NR2C2AP: variants seen among roughly 807,000 people sequenced by gnomAD.
NR2C2AP encodes the protein nuclear receptor 2C2 associated protein, also known as nuclear receptor 2C2-associated protein.
NR2C2AP carries 13 observed loss-of-function variants against 19.1 expected under a neutral mutation model. The observed-to-expected ratio is 0.68, with a 90% confidence interval of 0.44 to 1.08. The LOEUF (loss-of-function observed/expected upper bound fraction) is 1.08, where lower values mean the gene tolerates loss of function less well. Ranked by LOEUF, NR2C2AP falls within the 50% of genes least tolerant of loss-of-function variation. NR2C2AP has a pLI of 0.00. For missense variants in NR2C2AP, 181 were observed against 172.7 expected (o/e 1.05, Z -0.27); for synonymous variants, 81 against 64.4 (o/e 1.26, Z -1.23).
intron 2 of NR2C2AP, 88 bp downstream of exon 2, chr19:19,202,703 C>T (rs2060738640): frequency 2.1e-6 from 3 of 1,439,400 alleles, no homozygotes; most frequent in Admixed American, 3.4e-5. Flanking sequence ...CCTTTCCTGG[C>T]CACCCATGAG....
chr19:19,203,118 C>T lies in NR2C2AP; in HGVS notation c.-58G>A, dbSNP rs2060742947. ...TTGGGCACAGCCTTGGTTCGAATCCCGGCGCCTCCTCAAGCTACAGGGCGG... is the reference window on the plus strand; with the variant it reads ...TTGGGCACAGCCTTGGTTCGAATCCTGGCGCCTCCTCAAGCTACAGGGCGG... On this transcript the variant is annotated 5_prime_UTR_variant, in exon 1 of 5. Transcript: ENST00000331552. 4 of 1,588,738 alleles carry T rather than the reference C, an allele frequency of 2.5e-6. No individual in the cohort carries two copies. Among genetic ancestry groups the T allele is most frequent in the Admixed American group, 1.7e-5 (1 of 59,056 alleles).
Position 19,202,628 on chromosome 19 carries a change from T to C in NR2C2AP, c.130-53A>G, listed in dbSNP as rs2060737862. On this transcript the variant is annotated intron_variant, in intron 2 of 4. Coordinates refer to ENST00000331552, the MANE Select transcript of NR2C2AP (RefSeq NM_176880.6). ...CAAGCTCACTGCAGGCACAGAGCCC[T>C]GCTATGCCTGTCTCATTCACATAGT... 2.7e-6 allele frequency: 4 copies of C among 1,472,394 alleles called. No individual in the cohort carries two copies. The Admixed American group carries it at 6.9e-5, about 25-fold the overall frequency. The allele number at this position is 1,472,394 out of a possible 1,614,324, so 91.2% of individuals were successfully genotyped here.
Position 19,202,340 on chromosome 19 carries a change from G to A in NR2C2AP, c.294C>T (p.Asn98=), listed in dbSNP as rs767132508. The A allele has an allele frequency of 4.3e-6, 7 of 1,614,154 alleles. No homozygotes were observed. Among genetic ancestry groups the A allele is most frequent in the Non-Finnish European group, 5.9e-6 (7 of 1,179,960 alleles). The change falls in exon 4 of 5, where the codon AAC becomes AAT. Residue 98 remains asparagine, a synonymous_variant. Transcript: ENST00000331552. ...KIVDFYPEDN[N]SLQTFPIPAA... ...AGCAGGGGCAGGATATCTGAAGCGAGTTGTTGTCCTCAGGGTAGAAATCTA... is the reference window on the plus strand; with the variant it reads ...AGCAGGGGCAGGATATCTGAAGCGAATTGTTGTCCTCAGGGTAGAAATCTA...
chr19:19,203,030 C>G lies in NR2C2AP; in HGVS notation c.31G>C (p.Val11Leu). 1.2e-6 allele frequency: 2 copies of G among 1,614,160 alleles called. No individual in the cohort carries two copies. Among genetic ancestry groups the G allele is most frequent in the Non-Finnish European group, 1.7e-6 (2 of 1,179,998 alleles). ...GTCCCCACAGACTCTTACCTGCTCA[C>G]TGTCTCTGGACAAACCAAAGAGTGG... MTHSLVCPETVSRVSSVLNRN... is the reference protein window; with the variant it reads MTHSLVCPETLSRVSSVLNRN... The change falls in exon 1 of 5, where the codon GTG (valine) becomes CTG (leucine). Residue 11 changes from valine (V) to leucine (L), a missense_variant. Val to Leu is a conservative substitution (Grantham distance 32). Transcript: ENST00000331552.
Position 19,202,352 on chromosome 19 carries a change from A to T in NR2C2AP, c.282T>A (p.Pro94=). ...ATATCTGAAGCGAGTTGTTGTCCTC[A>T]GGGTAGAAATCTACAATCTTGTGGA... ...QALHKIVDFY[P]EDNNSLQTFP... Residue 94 remains proline (P), a synonymous_variant, in exon 4 of 5, where the codon CCT becomes CCA. Coordinates refer to ENST00000331552, the MANE Select transcript of NR2C2AP (RefSeq NM_176880.6). The T allele has an allele frequency of 6.2e-7, 1 of 1,614,218 alleles. No individual in the cohort carries two copies. The highest frequency in any genetic ancestry group is 1.1e-5 in the South Asian group (1 of 91,088).
rs780246694 is a variant in NR2C2AP, at chr19:19,202,835, G to GT, written c.84dup (p.His29ThrfsTer7). 5 of 1,613,838 alleles carry GT rather than the reference G, an allele frequency of 3.1e-6. No individual in the cohort carries two copies. The Admixed American group carries it at 5.0e-5, about 16-fold the overall frequency. The stretch of plus-strand genomic sequence containing the variant: ...GTCTCCTCATCCTGGTCGAAAAGAT[G>GT]TTTTTTTCCAAACTGCCGAGTGTTG... On this transcript the variant is annotated frameshift_variant, in exon 2 of 5. Coordinates refer to ENST00000331552, the MANE Select transcript of NR2C2AP (RefSeq NM_176880.6). LOFTEE classifies it high-confidence loss of function.
rs2146523111 is a variant in NR2C2AP at position 19,201,882 on chromosome 19, T to G, written c.*43A>C. The G allele has an allele frequency of 6.2e-7, 1 of 1,613,590 alleles. No individual in the cohort carries two copies. The highest frequency in any genetic ancestry group is 1.3e-5 in the African/African-American group (1 of 75,026). ...CTGTGCAGAATGAGGGACTTTGCTG[T>G]GCTTCCCGGAGGGCTTCCTGGAGGA... On this transcript the variant is annotated 3_prime_UTR_variant, in exon 5 of 5. Transcript: ENST00000331552.
In NR2C2AP at chr19:19,202,594, A is replaced by T. The variant is rs770595841; in HGVS notation, c.130-19T>A. 27 of 1,599,868 alleles carry T rather than the reference A, an allele frequency of 1.7e-5. No individual in the cohort carries two copies. Among genetic ancestry groups the T allele is most frequent in the Non-Finnish European group, 1.9e-5 (22 of 1,169,342 alleles). Reference sequence around the variant, plus strand: ...AGGGGCCCTGGAAGCAGACAGGGAAACTGAGGCGCAAGCTCACTGCAGGCA... The same window carrying T: ...AGGGGCCCTGGAAGCAGACAGGGAATCTGAGGCGCAAGCTCACTGCAGGCA... On this transcript the variant is annotated intron_variant, in intron 2 of 4. Transcript: ENST00000331552.
Position 19,201,929 on chromosome 19 carries a change from A to T in NR2C2AP, c.416T>A (p.Val139Glu). Residue 139 changes from valine (V) to glutamate (E), a missense_variant, in exon 5 of 5, where the codon GTG becomes GAG. Val to Glu is a moderately radical substitution (Grantham distance 121). Coordinates refer to ENST00000331552, the MANE Select transcript of NR2C2AP (RefSeq NM_176880.6). ...AGGAGACAGCCCCTAGAGGTCTCAC[A>T]CCTTCTCCCCAAGCACCCGCAGGTG... is the stretch of plus-strand genomic sequence containing the variant. ...IYHLRVLGEK[V>E] 6.2e-7 allele frequency: 1 copy of T among 1,614,154 alleles called. No homozygotes were observed. Among genetic ancestry groups the T allele is most frequent in the South Asian group, 1.1e-5 (1 of 91,086 alleles).
At chr19:19,202,159 C>T in intron 4 of NR2C2AP, 118 bp from the exon 5 acceptor site, 2 of 1,225,430 alleles carry the variant, frequency 1.6e-6, no homozygotes, top group Non-Finnish European at 2.4e-6. Flanking sequence ...AGCTGCAGGT[C>T]CCTCTAAGCC....
chr19:19,203,217 AC>A lies in NR2C2AP; in HGVS notation c.-158del. ...GACGAGAACCGCCACTCCCTCGCCCACCCCAGTCCTAAATGTCGCCTCGATC... is the reference window on the plus strand; with the variant it reads ...GACGAGAACCGCCACTCCCTCGCCCACCCAGTCCTAAATGTCGCCTCGATC... On this transcript the variant is annotated 5_prime_UTR_variant, in exon 1 of 5. Coordinates refer to ENST00000331552, the MANE Select transcript of NR2C2AP (RefSeq NM_176880.6). 1 of 726,092 alleles carries A rather than the reference AC, an allele frequency of 1.4e-6. No individual in the cohort carries two copies. Among genetic ancestry groups the A allele is most frequent in the African/African-American group, 1.7e-5 (1 of 57,430 alleles). 45.0% of individuals were successfully genotyped at this position (726,092 alleles called of 1,614,324 possible).
At chr19:19,202,196 C>T (rs2060730700) in intron 4 of NR2C2AP, 135 bp downstream of exon 4, 1 of 1,148,846 alleles carries the variant, frequency 8.7e-7, no homozygotes, top group Non-Finnish European at 1.3e-6. Context: ...TGGTCATCAG[C>T]ACCATTTTAC....
Position 19,201,773 on chromosome 19 carries a change from T to G in NR2C2AP, c.*152A>C. 2 of 1,613,576 alleles carry G rather than the reference T, an allele frequency of 1.2e-6. No individual in the cohort carries two copies. The highest frequency in any genetic ancestry group is 1.7e-6 in the Non-Finnish European group (2 of 1,179,872). On this transcript the variant is annotated 3_prime_UTR_variant, in exon 5 of 5. Transcript: ENST00000331552. ...AGGGAACAAAATGGTCAGCCAGAGC[T>G]GGGGAAACCCAGAACTGACTTCAAA...
chr19:19,202,827 G>C lies in NR2C2AP; in HGVS notation c.93C>G (p.Phe31Leu), dbSNP rs1003846048. 1.2e-6 allele frequency: 2 copies of C among 1,613,820 alleles called. No individual in the cohort carries two copies. The highest frequency in any genetic ancestry group is 1.7e-6 in the Non-Finnish European group (2 of 1,180,008). ...TCCAACATGTCTCCTCATCCTGGTC[G>C]AAAAGATGTTTTTTTCCAAACTGCC... ...NTRQFGKKHL[F>L]DQDEETCWNS... is the part of the protein sequence containing the mutation. The change falls in exon 2 of 5, where the codon TTC becomes TTG. Residue 31 changes from phenylalanine to leucine, a missense_variant. Transcript: ENST00000331552.
rs1391586028 is a variant in NR2C2AP, at chr19:19,203,320, C to T, written c.-260G>A. 1 of 566,614 alleles carries T rather than the reference C, an allele frequency of 1.8e-6. No homozygotes were observed. The highest frequency in any genetic ancestry group is 1.9e-5 in the African/African-American group (1 of 53,282). The allele number at this position is 566,614 out of a possible 1,614,324, so 35.1% of individuals were successfully genotyped here. Reference sequence around the variant, plus strand: ...CGGAGGCCAGGCCTTTCACAGGAAACAGATTTCCCGCGGGTTTCGGGGGCG... The same window carrying T: ...CGGAGGCCAGGCCTTTCACAGGAAATAGATTTCCCGCGGGTTTCGGGGGCG... On this transcript the variant is annotated 5_prime_UTR_variant, in exon 1 of 5. Transcript: ENST00000331552.
chr19:19,201,655 A>T lies in NR2C2AP; in HGVS notation c.*270T>A. ...TTTCCCTGCCCCATCTCAGTGCAACAGGTGATCGAGAACCACATCCTCAAG... is the reference window on the plus strand; with the variant it reads ...TTTCCCTGCCCCATCTCAGTGCAACTGGTGATCGAGAACCACATCCTCAAG... On this transcript the variant is annotated 3_prime_UTR_variant, in exon 5 of 5. Coordinates refer to ENST00000331552, the MANE Select transcript of NR2C2AP (RefSeq NM_176880.6). 1.2e-6 allele frequency: 2 copies of T among 1,614,140 alleles called. No individual in the cohort carries two copies. The highest frequency in any genetic ancestry group is 1.7e-6 in the Non-Finnish European group (2 of 1,180,032).
Position 19,202,814 on chromosome 19 carries a change from C to T in NR2C2AP, c.106G>A (p.Glu36Lys), listed in dbSNP as rs1180852408. ...ACCTGGTCTGAGTTCCAACATGTCTCCTCATCCTGGTCGAAAAGATGTTTT... is the reference window on the plus strand; with the variant it reads ...ACCTGGTCTGAGTTCCAACATGTCTTCTCATCCTGGTCGAAAAGATGTTTT... The part of the protein sequence containing the change: ...GKKHLFDQDE[E>K]TCWNSDQGPS... The change falls in exon 2 of 5, where the codon GAG becomes AAG. Residue 36 changes from glutamate to lysine, a missense_variant. By Grantham distance (56) the Glu-to-Lys change is moderately conservative (BLOSUM62 1). Coordinates refer to ENST00000331552, the MANE Select transcript of NR2C2AP (RefSeq NM_176880.6). 5 of 1,613,908 alleles carry T rather than the reference C, an allele frequency of 3.1e-6. No individual in the cohort carries two copies. Among genetic ancestry groups the T allele is most frequent in the South Asian group, 2.2e-5 (2 of 91,072 alleles).
chr19:19,203,136 C>T lies in NR2C2AP; in HGVS notation c.-76G>A. On this transcript the variant is annotated 5_prime_UTR_variant, in exon 1 of 5. Coordinates refer to ENST00000331552, the MANE Select transcript of NR2C2AP (RefSeq NM_176880.6). ...CGAATCCCGGCGCCTCCTCAAGCTA[C>T]AGGGCGGCGCGATCTTGGCTACGCC... 6.6e-7 allele frequency: 1 copy of T among 1,513,816 alleles called. No homozygotes were observed. The highest frequency in any genetic ancestry group is 9.1e-7 in the Non-Finnish European group (1 of 1,097,608). 93.8% of individuals were successfully genotyped at this position (1,513,816 alleles called of 1,614,324 possible).
Position 19,202,775 on chromosome 19 carries a change from G to C in NR2C2AP, c.129+16C>G. On this transcript the variant is annotated intron_variant, in intron 2 of 4. Transcript: ENST00000331552. ...TGAATCACCCTAGAGATGGAGGGTC[G>C]AGGGAGGCGCCTCACCTGGTCTGAG... The C allele has an allele frequency of 6.2e-7, 1 of 1,608,110 alleles. No homozygotes were observed. Among genetic ancestry groups the C allele is most frequent in the Non-Finnish European group, 8.5e-7 (1 of 1,174,848 alleles).
Sources: allele counts gnomAD v4.1 joint callset, GRCh38; gene constraint gnomAD v4.1.1; transcripts MANE v1.5; gene names NCBI Gene and HGNC (gene_info 2026-07-23, HGNC 2026-07-21).